GPAT3: variants seen among roughly 807,000 people sequenced by gnomAD.
The protein encoded by GPAT3 is glycerol-3-phosphate acyltransferase 3, also known as 1-AGP acyltransferase 9.
A neutral mutation model predicts 58.8 loss-of-function variants in GPAT3; 53 were observed. The ratio of observed to expected loss-of-function variants is 0.90; its 90% CI spans 0.72 to 1.13. The LOEUF is 1.13. Among genes scored for constraint, GPAT3 ranks in the 50% most tolerant of loss-of-function variants. The pLI is 0.00. For missense variants in GPAT3, 511 were observed against 527.6 expected (o/e 0.97, Z 0.31); for synonymous variants, 197 against 187.4 (o/e 1.05, Z -0.42).
At chr4:83,539,152 G>T (rs1724205745) in intron 1 of GPAT3, among the ~76,000 whole-genome samples, 1 of 152,124 alleles carries the variant, frequency 6.6e-6, no homozygotes, top group African/African-American at 2.4e-5. Flanking sequence ...GGGTTAATAC[G>T]GTGGATTGCT....
intron 2 of GPAT3, among the ~76,000 whole-genome samples, chr4:83,565,500 TTTTTG>T (rs1159827110): frequency 6.6e-6 from 1 of 152,188 alleles, no homozygotes; most frequent in African/African-American, 2.4e-5. Context: ...TATTGATTTT[TTTTTG>T]TTTGTTTTTT....
At chr4:83,575,955 A>G (rs1725796916) in intron 2 of GPAT3, among the ~76,000 whole-genome samples, 1 of 151,786 alleles carries the variant, frequency 6.6e-6, no homozygotes, top group South Asian at 2.1e-4. Flanking sequence ...TTACCCTGCT[A>G]CTCCTTGGAA....
chr4:83,598,556 A>G (rs1185841282), intron 10 of GPAT3, 88 bp from the exon 11 acceptor site: 4 of 1,119,638 alleles, frequency 3.6e-6, no homozygotes, highest in Non-Finnish European at 5.3e-6. Flanking sequence ...TGAATCTTAT[A>G]TTTTAAAACA....
chr4:83,577,864 A>G (rs1251709100), intron 2 of GPAT3, among the ~76,000 whole-genome samples: 1 of 137,762 alleles, frequency 7.3e-6, no homozygotes, highest in Non-Finnish European at 1.5e-5. Flanking sequence ...TAGTGGTGCA[A>G]TCTCAGCTCA....
intron 2 of GPAT3, among the ~76,000 whole-genome samples, chr4:83,549,992 G>A (rs573744772): frequency 2.6e-5 from 4 of 151,814 alleles, no homozygotes; most frequent in African/African-American, 7.2e-5. Flanking sequence ...CAAAGTGTTG[G>A]GATTACAGGT....
At chr4:83,602,948 C>G (rs1727113609) in intron 11 of GPAT3, among the ~76,000 whole-genome samples, 2 of 152,178 alleles carry the variant, frequency 1.3e-5, no homozygotes, top group Admixed American at 1.3e-4. Context: ...GGATCACAGT[C>G]TGTTTTTAAG....
chr4:83,569,174 G>T (rs946840681), intron 2 of GPAT3, among the ~76,000 whole-genome samples: 1 of 152,122 alleles, frequency 6.6e-6, no homozygotes. Flanking sequence ...GTCTTGTGGG[G>T]GCTTAAAGCT....
chr4:83,605,214 C>A lies in GPAT3; in HGVS notation c.*447C>A, dbSNP rs1403524426. On this transcript the variant is annotated 3_prime_UTR_variant, in exon 12 of 12. Coordinates refer to ENST00000264409, the MANE Select transcript of GPAT3 (RefSeq NM_032717.5). Reference sequence around the variant, plus strand: ...TGACCATTATGGTTATGGTCTACTGCAAGGTTGAAAGGAAAAATGGAGGAT... The same window carrying A: ...TGACCATTATGGTTATGGTCTACTGAAAGGTTGAAAGGAAAAATGGAGGAT... The A allele has an allele frequency of 2.0e-5, 3 of 152,326 alleles. No homozygotes were observed. The highest frequency in any genetic ancestry group is 4.4e-5 in the Non-Finnish European group (3 of 68,232). 9.4% of individuals were successfully genotyped at this position (152,326 alleles called of 1,614,324 possible).
At chr4:83,554,093 G>T (rs1038047823) in intron 2 of GPAT3, among the ~76,000 whole-genome samples, 2 of 151,830 alleles carry the variant, frequency 1.3e-5, no homozygotes, top group African/African-American at 2.4e-5. Context: ...CCAGGCTCAA[G>T]CTGTCCTCAC....
intron 1 of GPAT3, among the ~76,000 whole-genome samples, chr4:83,538,973 G>A (rs1724196777): frequency 6.6e-6 from 1 of 152,166 alleles, no homozygotes; most frequent in African/African-American, 2.4e-5. Flanking sequence ...TGATTTGTTG[G>A]TTGCGGCTGC....
intron 2 of GPAT3, among the ~76,000 whole-genome samples, chr4:83,578,428 CACA>C (rs1725899402): frequency 6.6e-6 from 1 of 152,056 alleles, no homozygotes; most frequent in South Asian, 2.1e-4. Flanking sequence ...GAAAACATTG[CACA>C]ACAAGTGTGT....
chr4:83,596,839 A>T lies in GPAT3; in HGVS notation c.855-19A>T. ...CTCTCTTTATAAAGGCAGAATTTTGATCCTTTTTTTTTCCATAGACTAAAA... is the reference window on the plus strand; with the variant it reads ...CTCTCTTTATAAAGGCAGAATTTTGTTCCTTTTTTTTTCCATAGACTAAAA... On this transcript the variant is annotated intron_variant, in intron 7 of 11. Transcript: ENST00000264409. 6.3e-7 allele frequency: 1 copy of T among 1,597,636 alleles called. No individual in the cohort carries two copies. Among genetic ancestry groups the T allele is most frequent in the Non-Finnish European group, 8.6e-7 (1 of 1,167,590 alleles).
At chr4:83,560,469 C>G (rs190445076) in intron 2 of GPAT3, among the ~76,000 whole-genome samples, 1 of 151,990 alleles carries the variant, frequency 6.6e-6, no homozygotes, top group African/African-American at 2.4e-5. Flanking sequence ...TCATACGTAC[C>G]TGCTCATTTC....
chr4:83,558,185 G>A (rs936467847), intron 2 of GPAT3, among the ~76,000 whole-genome samples: 55 of 151,838 alleles, frequency 3.6e-4, no homozygotes, highest in Admixed American at 2.0e-4. Flanking sequence ...CTGCACTCCA[G>A]CCTAGGCGAC....
At chr4:83,538,976 G>A (rs1230061795) in intron 1 of GPAT3, among the ~76,000 whole-genome samples, 1 of 152,166 alleles carries the variant, frequency 6.6e-6, no homozygotes, top group Non-Finnish European at 1.5e-5. Flanking sequence ...TTTGTTGGTT[G>A]CGGCTGCCTG....
At chr4:83,584,406 C>G (rs1200050226) in intron 3 of GPAT3, among the ~76,000 whole-genome samples, 1 of 152,200 alleles carries the variant, frequency 6.6e-6, no homozygotes, top group Non-Finnish European at 1.5e-5. Context: ...TTAAAAGAAG[C>G]ACCTACTACA....
chr4:83,580,232 A>G (rs1726055686), intron 2 of GPAT3, among the ~76,000 whole-genome samples: 1 of 152,222 alleles, frequency 6.6e-6, no homozygotes, highest in Non-Finnish European at 1.5e-5. Context: ...GATGGAAAAT[A>G]CAGTAACAGC....
chr4:83,568,783 G>T (rs1300765257), intron 2 of GPAT3, among the ~76,000 whole-genome samples: 1 of 152,166 alleles, frequency 6.6e-6, no homozygotes, highest in South Asian at 2.1e-4. Flanking sequence ...GGGATTACAG[G>T]TATGAGCCAC....
intron 11 of GPAT3, among the ~76,000 whole-genome samples, chr4:83,599,675 A>C (rs888043213): frequency 6.6e-6 from 1 of 152,194 alleles, no homozygotes; most frequent in Non-Finnish European, 1.5e-5. Context: ...AATAAGTGAA[A>C]TATTTTAGTT....
Sources: gnomAD v4.1 joint callset for allele counts (sites outside exome capture counted in the v4.1 genomes callset) on GRCh38, gnomAD v4.1.1 for gene constraint, MANE v1.5 for transcripts, NCBI Gene and HGNC (gene_info 2026-07-23, HGNC 2026-07-21) for gene names.